Variants in DEUP1 observed in about 807,000 individuals in gnomAD.
DEUP1 encodes deuterosome assembly protein 1, also known as coiled-coil domain containing 67.
Under a neutral mutation model 87.4 loss-of-function variants are expected in DEUP1, and 82 were observed. The ratio of observed to expected loss-of-function variants is 0.94; its 90% confidence interval spans 0.78 to 1.13. DEUP1 has a LOEUF of 1.13. Among genes scored for constraint, DEUP1 ranks in the 50% most tolerant of loss-of-function variants. The probability of loss-of-function intolerance (pLI) is 0.00; values close to 1 mark genes in which losing one functional copy is unlikely to be tolerated. For synonymous variants in DEUP1, 214 were observed against 222.7 expected (o/e 0.96, Z 0.35); for missense variants, 663 against 681.5 (o/e 0.97, Z 0.30).
intron 9 of DEUP1, among the ~76,000 whole-genome samples, chr11:93,391,023 A>G (rs1179223167): frequency 6.7e-6 from 1 of 149,656 alleles, no homozygotes; most frequent in Non-Finnish European, 1.5e-5. Context: ...CGGAGGTTGC[A>G]GTGAGCCGAG....
chr11:93,373,585 A>ATAT (rs1381367845), intron 7 of DEUP1, among the ~76,000 whole-genome samples: 23 of 142,526 alleles, frequency 1.6e-4, no homozygotes, highest in Admixed American at 9.4e-4. Flanking sequence ...ATATATACAT[A>ATAT]TATATATACG....
intron 3 of DEUP1, among the ~76,000 whole-genome samples, chr11:93,356,559 A>AT (rs1355778981): frequency 6.6e-6 from 1 of 152,162 alleles, no homozygotes; most frequent in Non-Finnish European, 1.5e-5. Flanking sequence ...CAATTATTTC[A>AT]TAATACCACT....
At chr11:93,382,696 G>A (rs1946353753) in intron 7 of DEUP1, among the ~76,000 whole-genome samples, 1 of 152,116 alleles carries the variant, frequency 6.6e-6, no homozygotes, top group South Asian at 2.1e-4. Flanking sequence ...GCTCCCTAGT[G>A]GCAAATTTGC....
Position 93,383,489 on chromosome 11 carries a change from A to G in DEUP1, c.790-1909A>G, listed in dbSNP as rs985106459. 1.0e-4 allele frequency: 58 copies of G among 557,970 alleles called. No individual in the cohort carries two copies. In the Middle Eastern group the frequency reaches 1.1e-3, roughly 10 times the overall value. The allele number at this position is 557,970 out of a possible 1,614,324, so 34.6% of individuals were successfully genotyped here. A position where few individuals can be genotyped will look rare whatever the true frequency, so the allele number is the denominator to read the frequency against. Reference sequence around the variant, plus strand: ...AAGGGGAAAATGGGGAGTGACTGTTAATGAGTATCAGGTTTCCTTTGGGGA... The same window carrying G: ...AAGGGGAAAATGGGGAGTGACTGTTGATGAGTATCAGGTTTCCTTTGGGGA... On this transcript the variant is annotated intron_variant, in intron 7 of 13. Transcript: ENST00000298050.
At chr11:93,358,837 C>T (rs767193804) in intron 4 of DEUP1, among the ~76,000 whole-genome samples, 13 of 152,172 alleles carry the variant, frequency 8.5e-5, no homozygotes, top group Non-Finnish European at 1.6e-4. Context: ...CCCACCTCAG[C>T]CTCCCAAAGT....
chr11:93,392,395 C>G (rs970491290), intron 9 of DEUP1, among the ~76,000 whole-genome samples: 1 of 152,148 alleles, frequency 6.6e-6, no homozygotes, highest in Non-Finnish European at 1.5e-5. Context: ...ATTTTCTAAT[C>G]TGCTAAATAC....
At chr11:93,371,737 A>C (rs983535207) in intron 7 of DEUP1, among the ~76,000 whole-genome samples, 2 of 152,188 alleles carry the variant, frequency 1.3e-5, no homozygotes, top group Non-Finnish European at 2.9e-5. Flanking sequence ...ATCATTTATC[A>C]AACAGTAACC....
chr11:93,418,732 C>G (rs1295022905), intron 13 of DEUP1, among the ~76,000 whole-genome samples: 2 of 151,806 alleles, frequency 1.3e-5, no homozygotes, highest in Non-Finnish European at 1.5e-5. Flanking sequence ...CACATGCACA[C>G]GTATGTTTAT....
rs747221324 is a variant in DEUP1 at position 93,355,370 on chromosome 11, G to T, written c.30-1G>T. 1.2e-6 allele frequency: 2 copies of T among 1,612,114 alleles called. No homozygotes were observed. Among genetic ancestry groups the T allele is most frequent in the South Asian group, 1.1e-5 (1 of 90,754 alleles). The stretch of plus-strand genomic sequence containing the variant: ...GTATTTTACTTTCCTACAATTGCCA[G>T]AACTTCTCCTTGTGAGGCTGAGCTT... On this transcript the variant is annotated splice_acceptor_variant, in intron 2 of 13. Transcript: ENST00000298050. LOFTEE classifies it high-confidence loss of function.
At chr11:93,429,780 AT>A (rs1948045407) in intron 13 of DEUP1, among the ~76,000 whole-genome samples, 1 of 152,194 alleles carries the variant, frequency 6.6e-6, no homozygotes, top group South Asian at 2.1e-4. Context: ...ATTTGATTTA[AT>A]AACATGGGGC....
intron 7 of DEUP1, among the ~76,000 whole-genome samples, chr11:93,384,130 C>T (rs1946424903): frequency 6.6e-6 from 1 of 152,178 alleles, no homozygotes; most frequent in Non-Finnish European, 1.5e-5. Context: ...AGGCCATGGT[C>T]CCCAACCTCA....
chr11:93,383,152 G>C (rs1388564308), intron 7 of DEUP1, among the ~76,000 whole-genome samples: 1 of 152,148 alleles, frequency 6.6e-6, no homozygotes, highest in Non-Finnish European at 1.5e-5. Flanking sequence ...GTCCACATAA[G>C]AGCTTATACA....
At chr11:93,433,645 A>G (rs559220050) in intron 13 of DEUP1, among the ~76,000 whole-genome samples, 3 of 152,358 alleles carry the variant, frequency 2.0e-5, no homozygotes, top group South Asian at 2.1e-4. Flanking sequence ...TCAGGCCAGA[A>G]TCTAGGAAGT....
At chr11:93,364,634 C>T (rs1396729234) in intron 5 of DEUP1, among the ~76,000 whole-genome samples, 1 of 151,948 alleles carries the variant, frequency 6.6e-6, no homozygotes, top group Non-Finnish European at 1.5e-5. Context: ...CTTTTAATGG[C>T]CATTTAGCTA....
chr11:93,348,055 T>C (rs962484935), intron 2 of DEUP1, among the ~76,000 whole-genome samples: 3 of 152,200 alleles, frequency 2.0e-5, no homozygotes, highest in African/African-American at 7.2e-5. Flanking sequence ...ATTCAGTTTT[T>C]TCCTGGCTCA....
intron 9 of DEUP1, among the ~76,000 whole-genome samples, chr11:93,392,848 T>C (rs1946805558): frequency 6.6e-6 from 1 of 152,098 alleles, no homozygotes; most frequent in Non-Finnish European, 1.5e-5. Flanking sequence ...CTAGCTACCC[T>C]AAACTCCTTT....
chr11:93,361,087 A>G (rs545490861), intron 4 of DEUP1, among the ~76,000 whole-genome samples: 212 of 152,258 alleles, frequency 1.4e-3, no homozygotes, highest in Non-Finnish European at 2.3e-3. Context: ...GGGGAAACCA[A>G]TTCTGATAAT....
intron 2 of DEUP1, among the ~76,000 whole-genome samples, chr11:93,333,576 G>A (rs541111165): frequency 2.3e-4 from 35 of 152,342 alleles, no homozygotes; most frequent in Admixed American, 1.5e-3. Flanking sequence ...TAACTAGGTA[G>A]CCATATGACC....
At chr11:93,389,764 A>G (rs1946710873) in intron 9 of DEUP1, among the ~76,000 whole-genome samples, 1 of 152,276 alleles carries the variant, frequency 6.6e-6, no homozygotes, top group African/African-American at 2.4e-5. Context: ...TCCAGTATCC[A>G]TACTCTTACC....
Sources: allele counts gnomAD v4.1 joint callset (sites outside exome capture counted in the v4.1 genomes callset), GRCh38; gene constraint gnomAD v4.1.1; transcripts MANE v1.5; gene names NCBI Gene and HGNC (gene_info 2026-07-23, HGNC 2026-07-21).